The following GALNT13 variants were observed in gnomAD, a reference collection of about 807,000 sequenced individuals.
The protein encoded by GALNT13 is polypeptide N-acetylgalactosaminyltransferase 13.
Under a neutral mutation model 64.2 loss-of-function variants are expected in GALNT13, and 28 were observed. The ratio of observed to expected loss-of-function variants is 0.44; its 90% CI spans 0.32 to 0.60. The LOEUF (loss-of-function observed/expected upper bound fraction) is 0.60, where lower values mean the gene tolerates loss of function less well. GALNT13 is among the 20% of genes least tolerant of loss of function. The pLI, the probability that GALNT13 is intolerant of heterozygous loss-of-function variation, is 0.05. For synonymous variants in GALNT13, 214 were observed against 224.6 expected, an observed-to-expected ratio of 0.95 and a Z score of 0.42; for missense variants, 577 against 669.8, an observed-to-expected ratio of 0.86 and a Z score of 1.53.
chr2:153,381,362 G>T, the GALNT13 span, among the ~76,000 whole-genome samples: 18 of 152,064 alleles, frequency 1.2e-4, no homozygotes, highest in Non-Finnish European at 2.4e-4. Context: ...GGTAGAAGTG[G>T]CATCCTCTTG....
the GALNT13 span, among the ~76,000 whole-genome samples, chr2:153,221,343 C>T: frequency 6.6e-6 from 1 of 152,080 alleles, no homozygotes; most frequent in African/African-American, 2.4e-5. Flanking sequence ...TAAAGAAACA[C>T]CCAAATCTAT....
the GALNT13 span, among the ~76,000 whole-genome samples, chr2:153,727,229 G>A: frequency 6.6e-6 from 1 of 152,132 alleles, no homozygotes; most frequent in East Asian, 1.9e-4. Flanking sequence ...CTGTTTGGGA[G>A]CTTTGCCTGA....
the GALNT13 span, among the ~76,000 whole-genome samples, chr2:153,400,382 T>C: frequency 6.6e-6 from 1 of 152,220 alleles, no homozygotes; most frequent in African/African-American, 2.4e-5. Flanking sequence ...TGGTCTAAAA[T>C]TCTCTTTTTT....
chr2:153,271,868 A>G, the GALNT13 span, among the ~76,000 whole-genome samples: 1 of 152,196 alleles, frequency 6.6e-6, no homozygotes, highest in Non-Finnish European at 1.5e-5. Flanking sequence ...TTCAAACTAT[A>G]CTACAAGGCT....
the GALNT13 span, among the ~76,000 whole-genome samples, chr2:153,533,923 G>A: frequency 3.3e-5 from 5 of 150,442 alleles, no homozygotes; most frequent in Admixed American, 3.3e-4. Flanking sequence ...TTTTTCTGGA[G>A]AACGGGGTCT....
the GALNT13 span, among the ~76,000 whole-genome samples, chr2:153,179,829 A>T: frequency 6.6e-6 from 1 of 152,014 alleles, no homozygotes; most frequent in Non-Finnish European, 1.5e-5. Context: ...TTGTTTTTCA[A>T]GAATTTTATT....
intron 3 of GALNT13, among the ~76,000 whole-genome samples, chr2:154,020,294 G>A (rs1697353821): frequency 6.6e-6 from 1 of 152,164 alleles, no homozygotes; most frequent in South Asian, 2.1e-4. Flanking sequence ...CACAATGGTT[G>A]AACTAGTTTA....
At chr2:153,929,696 G>A (rs1690379730) in intron 2 of GALNT13, among the ~76,000 whole-genome samples, 3 of 152,110 alleles carry the variant, frequency 2.0e-5, no homozygotes, top group Admixed American at 1.3e-4. Context: ...TTTTATGGCT[G>A]TATAGTATTC....
At position 154,122,054 on chromosome 2, in the gene GALNT13, A is replaced by G. The variant is rs796922924; in HGVS notation, c.143-18283A>G. Among the ~76,000 whole-genome samples, 14 of 152,150 alleles carry G rather than the reference A, an allele frequency of 9.2e-5. 1 individual carries two copies. Among genetic ancestry groups the G allele is most frequent in the African/African-American group, 3.4e-4 (14 of 41,544 alleles). On this transcript the variant is annotated intron_variant, in intron 3 of 12. Transcript: ENST00000392825. ...TGATTTCTATTGTCTGAAAGATTTT[A>G]TGGTGAATTGCTGTTGGATTTCGAA... is the stretch of plus-strand genomic sequence containing the variant.
the GALNT13 span, among the ~76,000 whole-genome samples, chr2:153,806,912 T>C: frequency 8.3e-6 from 1 of 120,214 alleles, no homozygotes; most frequent in African/African-American, 2.9e-5. Flanking sequence ...GATGTACACT[T>C]TGGTGAAAAA....
At chr2:154,204,926 A>C (rs1687358711) in intron 4 of GALNT13, among the ~76,000 whole-genome samples, 1 of 152,142 alleles carries the variant, frequency 6.6e-6, no homozygotes, top group African/African-American at 2.4e-5. Context: ...AGCATATGGT[A>C]ATTATTTATT....
At chr2:153,191,654 T>C in the GALNT13 span, among the ~76,000 whole-genome samples, 1 of 152,018 alleles carries the variant, frequency 6.6e-6, no homozygotes, top group South Asian at 2.1e-4. Flanking sequence ...CTTGTTCTTA[T>C]AACTTCGGTA....
At chr2:153,229,368 T>A in the GALNT13 span, among the ~76,000 whole-genome samples, 1 of 152,204 alleles carries the variant, frequency 6.6e-6, no homozygotes, top group African/African-American at 2.4e-5. Context: ...AGGCTATTGC[T>A]ATCATATCAA....
At chr2:153,328,320 C>T in the GALNT13 span, among the ~76,000 whole-genome samples, 1 of 152,178 alleles carries the variant, frequency 6.6e-6, no homozygotes, top group Admixed American at 6.5e-5. Context: ...CCTTAGCAGA[C>T]CTGCAGTGCT....
At chr2:154,327,073 A>G (rs1694911692) in intron 9 of GALNT13, among the ~76,000 whole-genome samples, 1 of 152,030 alleles carries the variant, frequency 6.6e-6, no homozygotes, top group Non-Finnish European at 1.5e-5. Context: ...GACCAGGTGG[A>G]GGTAATTGAA....
chr2:153,454,531 C>T, the GALNT13 span, among the ~76,000 whole-genome samples: 1 of 152,088 alleles, frequency 6.6e-6, no homozygotes, highest in African/African-American at 2.4e-5. Context: ...TCATTATTTC[C>T]CCTATGAAAA....
chr2:154,080,301 G>C (rs1701209484), intron 3 of GALNT13, among the ~76,000 whole-genome samples: 1 of 151,492 alleles, frequency 6.6e-6, no homozygotes, highest in Non-Finnish European at 1.5e-5. Flanking sequence ...GGAAAAAGAA[G>C]GAGAGGGAGA....
intron 4 of GALNT13, 89 bp from the exon 5 acceptor site, chr2:154,241,941 T>C: frequency 2.7e-6 from 2 of 729,982 alleles, no homozygotes; most frequent in Non-Finnish European, 4.2e-6. Context: ...CTTTCAAGTC[T>C]GAAGTTGTGT....
the GALNT13 span, among the ~76,000 whole-genome samples, chr2:153,240,106 A>T: frequency 1.3e-5 from 2 of 152,128 alleles, no homozygotes; most frequent in Non-Finnish European, 2.9e-5. Flanking sequence ...ATTTGTTGGC[A>T]TATAGTTGCT....
Sources: gnomAD v4.1 joint callset for allele counts (sites outside exome capture counted in the v4.1 genomes callset) on GRCh38, gnomAD v4.1.1 for gene constraint, MANE v1.5 for transcripts, NCBI Gene and HGNC (gene_info 2026-07-23, HGNC 2026-07-21) for gene names.